The following ZSCAN20 variants were observed in gnomAD, a reference collection of about 807,000 sequenced individuals.
ZSCAN20 encodes the protein zinc finger and SCAN domain-containing protein 20.
In ZSCAN20, 39 loss-of-function variants were observed where a neutral mutation model predicts 97.1. The ratio of observed to expected loss-of-function variants is 0.40; its 90% CI spans 0.31 to 0.52. The LOEUF is 0.52. Ranked by LOEUF, ZSCAN20 falls within the 20% of genes least tolerant of loss-of-function variation. The probability of loss-of-function intolerance (pLI) is 0.49; values close to 1 mark genes in which losing one functional copy is unlikely to be tolerated. For missense variants in ZSCAN20, 1,115 were observed against 1,290.4 expected, an observed-to-expected ratio of 0.86 and a Z score of 2.08; for synonymous variants, 456 against 467.3, an observed-to-expected ratio of 0.98 and a Z score of 0.31.
chr1:33,491,541 C>CTTT lies in ZSCAN20; in HGVS notation c.1283_1284insTTT (p.Pro428_Arg429insPhe). 1 of 1,614,046 alleles carries CTTT rather than the reference C, an allele frequency of 6.2e-7. No homozygotes were observed. The highest frequency in any genetic ancestry group is 1.3e-5 in the African/African-American group (1 of 75,036). On this transcript the variant is annotated inframe_insertion, in exon 6 of 8. Coordinates refer to ENST00000684572, the MANE Select transcript of ZSCAN20 (RefSeq NM_001377376.1). This position sits in a 1 kb window ranked among gnomAD's most constrained non-coding sequence, Gnocchi z 4.3. ...GGCCCAGGAGAGGCCGTGGCACTTC[C>CTTT]CAGGCTCGGGTATAGTGACGCAGAG...
Position 33,494,246 on chromosome 1 carries a change from C to A in ZSCAN20, c.1902C>A (p.Asp634Glu), listed in dbSNP as rs1414500935. The change falls in exon 8 of 8, where the codon GAC becomes GAA. Residue 634 changes from aspartate (D) to glutamate (E), a missense_variant. This residue lies in a region of ZSCAN20 where 554 missense variants were observed against 584.9 expected (regional missense o/e 0.95). Coordinates refer to ENST00000684572, the MANE Select transcript of ZSCAN20 (RefSeq NM_001377376.1). ...MGFEMRHEDE[D>E]QISEQDIFEG... ...TTGAAATGAGGCATGAGGATGAAGA[C>A]CAGATTTCAGAGCAGGACATTTTTG... 1 of 1,582,898 alleles carries A rather than the reference C, an allele frequency of 6.3e-7. No individual in the cohort carries two copies. The highest frequency in any genetic ancestry group is 8.6e-7 in the Non-Finnish European group (1 of 1,165,844).
intron 5 of ZSCAN20, among the ~76,000 whole-genome samples, chr1:33,490,562 TA>T (rs1353986542): frequency 1.3e-5 from 2 of 152,108 alleles, no homozygotes; most frequent in Non-Finnish European, 1.5e-5. Context: ...GTTAGCTTCA[TA>T]TTAAAGCTGT....
rs1395165946 is a variant in ZSCAN20, at chr1:33,479,856, C to G, written c.417+151C>G. The stretch of plus-strand genomic sequence containing the variant: ...CCACTACTGTATACCAGGAAGTGTT[C>G]TAAGTGCTTTACATGTATTAACCCA... On this transcript the variant is annotated intron_variant, in intron 2 of 7. Transcript: ENST00000684572. 4 of 846,510 alleles carry G rather than the reference C, an allele frequency of 4.7e-6. No individual in the cohort carries two copies. The African/African-American group carries it at 6.9e-5, about 15-fold the overall frequency. The allele number at this position is 846,510 out of a possible 1,614,324, so 52.4% of individuals were successfully genotyped here.
intron 2 of ZSCAN20, among the ~76,000 whole-genome samples, chr1:33,485,614 A>G (rs1570553903): frequency 6.6e-6 from 1 of 151,520 alleles, no homozygotes; most frequent in Non-Finnish European, 1.5e-5. Context: ...GGATTTCACC[A>G]CGTTTCCCAA....
intron 3 of ZSCAN20, 115 bp downstream of exon 3, chr1:33,488,766 TG>T (rs760983048): frequency 2.7e-5 from 31 of 1,149,480 alleles, no homozygotes; most frequent in Non-Finnish European, 3.8e-5. Flanking sequence ...AGGGATAGGC[TG>T]CAGTGTGGTG....
Position 33,491,520 on chromosome 1 carries a change from C to A in ZSCAN20, c.1262C>A (p.Pro421Gln), listed in dbSNP as rs779219060. 6.8e-6 allele frequency: 11 copies of A among 1,614,010 alleles called. No individual in the cohort carries two copies. Among genetic ancestry groups the A allele is most frequent in the Non-Finnish European group, 9.3e-6 (11 of 1,179,926 alleles). Residue 421 changes from proline (P) to glutamine (Q), a missense_variant, in exon 6 of 8, where the codon CCA becomes CAA. By Grantham distance (76) the Pro-to-Gln change is moderately conservative. Coordinates refer to ENST00000684572, the MANE Select transcript of ZSCAN20 (RefSeq NM_001377376.1). This position sits in a 1 kb window ranked among gnomAD's most constrained non-coding sequence, Gnocchi z 4.3. ...ARTAIRATDG[P>Q]GEAVALPRLG... ...ACAGCCATCAGAGCCACAGATGGCC[C>A]AGGAGAGGCCGTGGCACTTCCCAGG... is the stretch of plus-strand genomic sequence containing the variant.
At chr1:33,488,435 T>C in intron 2 of ZSCAN20, 30 bp from the exon 3 acceptor site, 1 of 1,605,402 alleles carries the variant, frequency 6.2e-7, no homozygotes, top group Non-Finnish European at 8.5e-7. Flanking sequence ...ACTGAATTGT[T>C]GATTGGGAAT....
In ZSCAN20 at chr1:33,491,694, G is replaced by A. The variant is rs2148473157; in HGVS notation, c.1436G>A (p.Ser479Asn). 6.3e-7 allele frequency: 1 copy of A among 1,588,028 alleles called. No homozygotes were observed. The highest frequency in any genetic ancestry group is 2.2e-5 in the East Asian group (1 of 44,738). The change falls in exon 6 of 8, where the codon AGT becomes AAT. Residue 479 changes from serine (S) to asparagine (N), a missense_variant. Transcript: ENST00000684572. This position sits in a 1 kb window ranked among gnomAD's most constrained non-coding sequence, Gnocchi z 4.3. Reference protein sequence around the residue: ...RIAGAPALFQSRIAGVHWGYE... With the variant: ...RIAGAPALFQNRIAGVHWGYE... ...GCAGGGGCCCCAGCTCTGTTCCAGA[G>A]TCGTATTGGTAAGAACATGGGGGTT...
Position 33,496,661 on chromosome 1 carries a change from TTGTC to T in ZSCAN20, c.*1192_*1195del, listed in dbSNP as rs1652874115. Among the ~76,000 whole-genome samples the T allele has an allele frequency of 6.6e-6, 1 of 152,148 alleles. No individual in the cohort carries two copies. The highest frequency in any genetic ancestry group is 1.5e-5 in the Non-Finnish European group (1 of 68,028). On this transcript the variant is annotated 3_prime_UTR_variant, in exon 8 of 8. Transcript: ENST00000684572. ...ACAGAAGCCTGGGGTCCCTACATTT[TTGTC>T]TGTCTGGCTTTTCCTTTTGGCAAGC...
chr1:33,488,324 A>C, intron 2 of ZSCAN20, 141 bp from the exon 3 acceptor site: 1 of 765,770 alleles, frequency 1.3e-6, no homozygotes, highest in Non-Finnish European at 2.1e-6. Context: ...TACCAAACTC[A>C]CTCTGATGGC....
In ZSCAN20 at chr1:33,499,782, G is replaced by A. The variant is rs904866514; in HGVS notation, c.*4306G>A. Among the ~76,000 whole-genome samples the A allele has an allele frequency of 6.6e-6, 1 of 151,186 alleles. No individual in the cohort carries two copies. Among genetic ancestry groups the A allele is most frequent in the Non-Finnish European group, 1.5e-5 (1 of 67,782 alleles). ...TCCCTTACCCCATTTTTTTTGGGGG[G>A]GAGATGGGGGTCTTGTGTTGCCCAG... On this transcript the variant is annotated 3_prime_UTR_variant, in exon 8 of 8. Coordinates refer to ENST00000684572, the MANE Select transcript of ZSCAN20 (RefSeq NM_001377376.1).
At chr1:33,476,502 G>A (rs6665639) in intron 1 of ZSCAN20, among the ~76,000 whole-genome samples, 113,567 of 152,152 alleles carry the variant, frequency 0.75, 42,672 homozygotes, top group Non-Finnish European at 0.78. Context: ...TGTCCTGTTT[G>A]TGCAGGAACG....
chr1:33,484,243 G>A (rs116563715), intron 2 of ZSCAN20, among the ~76,000 whole-genome samples: 2,795 of 152,296 alleles, frequency 0.018, 36 homozygotes, highest in Non-Finnish European at 0.03. Flanking sequence ...AGAATAGTGA[G>A]AGAGAACATC....
chr1:33,485,531 C>A (rs1652328772), intron 2 of ZSCAN20, among the ~76,000 whole-genome samples: 1 of 65,654 alleles, frequency 1.5e-5, no homozygotes, highest in African/African-American at 6.3e-5. Context: ...TGCCTCAGCC[C>A]CCTGTAGCTG....
chr1:33,489,071 T>G (rs1331809003), intron 3 of ZSCAN20, 44 bp from the exon 4 acceptor site: 2 of 1,558,110 alleles, frequency 1.3e-6, no homozygotes, highest in Non-Finnish European at 1.8e-6. Flanking sequence ...GGTGATTTTT[T>G]GGGAACCAGA....
At chr1:33,476,306 T>G (rs1319270765) in intron 1 of ZSCAN20, among the ~76,000 whole-genome samples, 1 of 152,232 alleles carries the variant, frequency 6.6e-6, no homozygotes. Flanking sequence ...TCTAACTTCC[T>G]TAGAAAGTTA....
rs1651770338 is a variant in ZSCAN20 at position 33,472,667 on chromosome 1, T to G, written c.-135T>G. The G allele has an allele frequency of 6.6e-6, 1 of 150,664 alleles. No homozygotes were observed. Among genetic ancestry groups the G allele is most frequent in the East Asian group, 2.0e-4 (1 of 5,098 alleles). 9.3% of individuals were successfully genotyped at this position (150,664 alleles called of 1,614,324 possible). A position where few individuals can be genotyped will look rare whatever the true frequency, so the allele number is the denominator to read the frequency against. On this transcript the variant is annotated 5_prime_UTR_variant, in exon 1 of 8. Coordinates refer to ENST00000684572, the MANE Select transcript of ZSCAN20 (RefSeq NM_001377376.1). Reference sequence around the variant, plus strand: ...CACGAGCCCGGGAGCACTTCCGCCCTGTTGTGAAGTGGGTGTCTCGGTGGG... The same window carrying G: ...CACGAGCCCGGGAGCACTTCCGCCCGGTTGTGAAGTGGGTGTCTCGGTGGG...
At position 33,495,038 on chromosome 1, in the gene ZSCAN20, G is replaced by A. The variant is rs375842451; in HGVS notation, c.2694G>A (p.Thr898=). The A allele has an allele frequency of 1.5e-5, 25 of 1,613,380 alleles. No individual in the cohort carries two copies. The African/African-American group carries it at 2.0e-4, about 13-fold the overall frequency. ...SALISHQRIH[T]GEKPYECAEC... ...TCATTAGTCACCAAAGAATCCATACGGGAGAGAAACCATATGAATGTGCCG... is the reference window on the plus strand; with the variant it reads ...TCATTAGTCACCAAAGAATCCATACAGGAGAGAAACCATATGAATGTGCCG... The change falls in exon 8 of 8, where the codon ACG becomes ACA. Residue 898 remains threonine, a synonymous_variant. Coordinates refer to ENST00000684572, the MANE Select transcript of ZSCAN20 (RefSeq NM_001377376.1).
chr1:33,490,970 C>A, intron 5 of ZSCAN20, 55 bp from the exon 6 acceptor site: 1 of 1,494,714 alleles, frequency 6.7e-7, no homozygotes. Context: ...AGATTTTGGA[C>A]AAACATGCCG....
Sources: gnomAD v4.1 joint callset for allele counts (sites outside exome capture counted in the v4.1 genomes callset) on GRCh38, gnomAD v4.1.1 for gene constraint, gnomAD v4.1.1 regional missense constraint, Gnocchi (gnomAD v3.1) non-coding constraint, MANE v1.5 for transcripts, NCBI Gene and HGNC (gene_info 2026-07-23, HGNC 2026-07-21) for gene names.